The following SHC2 variants were observed in gnomAD, a reference collection of about 807,000 sequenced individuals.
SHC2 encodes the protein SHC adaptor protein 2.
A neutral mutation model predicts 60.6 loss-of-function variants in SHC2; 62 were observed. The ratio of observed to expected loss-of-function variants is 1.02; its 90% CI spans 0.83 to 1.26. The LOEUF (loss-of-function observed/expected upper bound fraction) is 1.26, where lower values mean the gene tolerates loss of function less well. SHC2 is among the 50% of genes most tolerant of loss of function. SHC2 has a pLI of 0.00. For missense variants in SHC2, 873 were observed against 822.2 expected, an observed-to-expected ratio of 1.06 and a Z score of -0.76; for synonymous variants, 375 against 372.4, an observed-to-expected ratio of 1.01 and a Z score of -0.08.
rs751662423 is a variant in SHC2 at position 434,715 on chromosome 19, GA to G, written c.1103del (p.Leu368ProfsTer9). ...ALTQPCALTA[L>X]DQGPSPSLRD... ...CCCGAGGGCAGAGGCTGACCTGGTC[GA>G]GGGCCGTGAGGGCGCAGGGCTGTGT... On this transcript the variant is annotated frameshift_variant, in exon 8 of 13. Coordinates refer to ENST00000264554, the MANE Select transcript of SHC2 (RefSeq NM_012435.3). LOFTEE classifies it high-confidence loss of function. 1 of 1,609,864 alleles carries G rather than the reference GA, an allele frequency of 6.2e-7. No individual in the cohort carries two copies. Among genetic ancestry groups the G allele is most frequent in the South Asian group, 1.1e-5 (1 of 90,772 alleles).
chr19:427,829 AG>A (rs1171843494), intron 9 of SHC2, among the ~76,000 whole-genome samples: 2 of 110,306 alleles, frequency 1.8e-5, no homozygotes, highest in African/African-American at 7.3e-5. Context: ...GGCACAGGGA[AG>A]GGGGAACTGC....
In SHC2 at chr19:438,291, G is replaced by T. The variant is rs2145723092; in HGVS notation, c.720+427C>A. Among the ~76,000 whole-genome samples the T allele has an allele frequency of 6.6e-6, 1 of 152,330 alleles. No homozygotes were observed. The highest frequency in any genetic ancestry group is 6.5e-5 in the Admixed American group (1 of 15,304). ...ACTGAGCCCGGCCTCACAGTGCTGG[G>T]GTTACAGGCGTGAGCAACCAAGCCC... On this transcript the variant is annotated intron_variant, in intron 4 of 12. Transcript: ENST00000264554. This position sits in a 1 kb window ranked among gnomAD's most constrained non-coding sequence, Gnocchi z 5.0.
chr19:436,689 G>A lies in SHC2; in HGVS notation c.721-6C>T. ...ATGTGGTGGTTGGCGATGACCTGTG[G>A]CGGCAGGAGGCACACGCGGTCATGG... On this transcript the variant is annotated splice_region_variant and splice_polypyrimidine_tract_variant and intron_variant, in intron 4 of 12. Transcript: ENST00000264554. The A allele has an allele frequency of 6.2e-7, 1 of 1,603,154 alleles. No homozygotes were observed. The highest frequency in any genetic ancestry group is 8.5e-7 in the Non-Finnish European group (1 of 1,179,012).
chr19:418,708 A>G (rs1334004955), intron 12 of SHC2, among the ~76,000 whole-genome samples: 1 of 139,922 alleles, frequency 7.1e-6, no homozygotes, highest in East Asian at 1.9e-4. Context: ...GGGAGGGGAC[A>G]GGGAGTGACG....
chr19:418,902 C>T, intron 12 of SHC2, 21 bp downstream of exon 12: 1 of 1,576,102 alleles, frequency 6.3e-7, no homozygotes, highest in Non-Finnish European at 8.6e-7. Flanking sequence ...AGGCCAGCGA[C>T]CCACGGCGGC....
intron 1 of SHC2, among the ~76,000 whole-genome samples, chr19:459,925 G>A (rs1975498304): frequency 6.6e-6 from 1 of 152,186 alleles, no homozygotes; most frequent in Admixed American, 6.5e-5. Context: ...GGGCAGACCC[G>A]TCAGCAGAGG....
rs757415156 is a variant in SHC2 at position 434,735 on chromosome 19, GC to G, written c.1083del (p.Gln361HisfsTer16). The G allele has an allele frequency of 6.2e-7, 1 of 1,611,928 alleles. No homozygotes were observed. Among genetic ancestry groups the G allele is most frequent in the Non-Finnish European group, 8.5e-7 (1 of 1,179,602 alleles). On this transcript the variant is annotated frameshift_variant, in exon 8 of 13. Transcript: ENST00000264554. LOFTEE classifies it high-confidence loss of function. ...GLVDSRLALT[Q>X]PCALTALDQG... ...TGGTCGAGGGCCGTGAGGGCGCAGGGCTGTGTCAGGGCCAGCCTGGAGTCCA... is the reference window on the plus strand; with the variant it reads ...TGGTCGAGGGCCGTGAGGGCGCAGGGTGTGTCAGGGCCAGCCTGGAGTCCA...
intron 11 of SHC2, among the ~76,000 whole-genome samples, chr19:421,017 T>C (rs895960583): frequency 1.6e-4 from 24 of 150,996 alleles, no homozygotes; most frequent in Non-Finnish European, 3.4e-4. Context: ...GCCACTGCAC[T>C]CCAGCCTGGG....
intron 9 of SHC2, among the ~76,000 whole-genome samples, chr19:430,157 T>C (rs1197096854): frequency 8.9e-5 from 12 of 134,102 alleles, no homozygotes; most frequent in Non-Finnish European, 1.6e-4. Flanking sequence ...GGAAACCTGA[T>C]ACCGTGTGGA....
At chr19:448,463 CTCT>C (rs58874759) in intron 1 of SHC2, among the ~76,000 whole-genome samples, 9,050 of 152,270 alleles carry the variant, frequency 0.059, 866 homozygotes, top group African/African-American at 0.21. Context: ...GCAGATTTCC[CTCT>C]TCTTAGAGGA....
chr19:440,130 C>T lies in SHC2; in HGVS notation c.539+732G>A, dbSNP rs542080400. On this transcript the variant is annotated intron_variant, in intron 2 of 12. Transcript: ENST00000264554. This position sits in a 1 kb window ranked among gnomAD's most constrained non-coding sequence, Gnocchi z 7.0. ...GAGACGCCAGACACACGAGGCCACG[C>T]AGCGTGTGATCCCATTGCTATGAAA... is the stretch of plus-strand genomic sequence containing the variant. Among the ~76,000 whole-genome samples the T allele has an allele frequency of 2.7e-4, 41 of 151,766 alleles. No individual in the cohort carries two copies. Among genetic ancestry groups the T allele is most frequent in the African/African-American group, 9.7e-4 (40 of 41,380 alleles).
At chr19:458,177 G>T (rs369854812) in intron 1 of SHC2, among the ~76,000 whole-genome samples, 1 of 130,570 alleles carries the variant, frequency 7.7e-6, no homozygotes. Flanking sequence ...GGAGGCAGAC[G>T]CATGTTCCGG....
At chr19:443,058 G>A (rs1974945917) in intron 1 of SHC2, among the ~76,000 whole-genome samples, 1 of 146,162 alleles carries the variant, frequency 6.8e-6, no homozygotes, top group Non-Finnish European at 1.5e-5. Context: ...CGGGTGGGTG[G>A]ATGAGTGGAT....
In SHC2 at chr19:453,861, G is replaced by A. The variant is rs534367223; in HGVS notation, c.468+6668C>T. Among the ~76,000 whole-genome samples, 25 of 152,332 alleles carry A rather than the reference G, an allele frequency of 1.6e-4. No individual in the cohort carries two copies. The highest frequency in any genetic ancestry group is 3.1e-4 in the Non-Finnish European group (21 of 68,026). The stretch of plus-strand genomic sequence containing the variant: ...AGGAAACTCTCCCTGAAGTGCTCAC[G>A]AGGTGAGGTGCGTGAGGGCACCGCA... On this transcript the variant is annotated intron_variant, in intron 1 of 12. Coordinates refer to ENST00000264554, the MANE Select transcript of SHC2 (RefSeq NM_012435.3). This position sits in a 1 kb window ranked among gnomAD's most constrained non-coding sequence, Gnocchi z 6.3.
chr19:455,500 G>A (rs1028800535), intron 1 of SHC2, among the ~76,000 whole-genome samples: 4 of 152,226 alleles, frequency 2.6e-5, no homozygotes, highest in Non-Finnish European at 4.4e-5. Context: ...GCGCTCGGAC[G>A]CGGGGCCCAC....
At chr19:449,529 T>A (rs989296699) in intron 1 of SHC2, among the ~76,000 whole-genome samples, 12 of 152,232 alleles carry the variant, frequency 7.9e-5, no homozygotes, top group Non-Finnish European at 1.8e-4. Flanking sequence ...ATAGCTATGC[T>A]GGAGAAAATC....
chr19:458,755 C>T (rs1203826143), intron 1 of SHC2, among the ~76,000 whole-genome samples: 4,857 of 118,712 alleles, frequency 0.041, 100 homozygotes, highest in Middle Eastern at 0.074. Flanking sequence ...GGAAGCGGGT[C>T]CCGGGGAGGC....
At chr19:434,528 G>C in intron 8 of SHC2, among the ~76,000 whole-genome samples, 181 bp downstream of exon 8, 1 of 100 alleles carries the variant, frequency 0.01, no homozygotes, top group Admixed American at 0.071. Context: ...CTGTGAGATT[G>C]TGAGTGAGAT....
At chr19:459,680 C>A (rs1975491515) in intron 1 of SHC2, among the ~76,000 whole-genome samples, 1 of 152,176 alleles carries the variant, frequency 6.6e-6, no homozygotes. Flanking sequence ...AACTCAGTGT[C>A]CAGAAAAGCA....
Sources: allele counts gnomAD v4.1 joint callset (sites outside exome capture counted in the v4.1 genomes callset), GRCh38; gene constraint gnomAD v4.1.1; non-coding constraint Gnocchi (gnomAD v3.1); transcripts MANE v1.5; gene names NCBI Gene and HGNC (gene_info 2026-07-23, HGNC 2026-07-21).